The following FHIT variants were observed in gnomAD, a reference collection of about 807,000 sequenced individuals.
FHIT encodes the protein fragile histidine triad diadenosine triphosphatase.
FHIT carries 19 observed loss-of-function variants against 17.9 expected under a neutral mutation model. The ratio of observed to expected loss-of-function variants is 1.06; its 90% CI spans 0.74 to 1.56. The LOEUF is 1.56. FHIT is among the 40% of genes most tolerant of loss of function. FHIT has a pLI of 0.00. For synonymous variants in FHIT, 81 were observed against 69.7 expected, an observed-to-expected ratio of 1.16 and a Z score of -0.81; for missense variants, 248 against 189.2, an observed-to-expected ratio of 1.31 and a Z score of -1.82.
At chr3:60,071,080 C>G (rs967264804) in intron 5 of FHIT, among the ~76,000 whole-genome samples, 1 of 152,156 alleles carries the variant, frequency 6.6e-6, no homozygotes. Flanking sequence ...TATTTCCACC[C>G]TCATCTAGCA....
At chr3:61,231,398 G>A (rs542814822) in intron 1 of FHIT, among the ~76,000 whole-genome samples, 1 of 152,106 alleles carries the variant, frequency 6.6e-6, no homozygotes, top group East Asian at 1.9e-4. Context: ...GGAGGCTGAG[G>A]TGAAAGGACC....
At chr3:59,782,638 C>T (rs987824120) in intron 8 of FHIT, among the ~76,000 whole-genome samples, 3 of 152,122 alleles carry the variant, frequency 2.0e-5, no homozygotes, top group Admixed American at 6.6e-5. Flanking sequence ...GATTCAGTTT[C>T]GTCCATTCTA....
intron 5 of FHIT, among the ~76,000 whole-genome samples, chr3:60,351,813 A>G (rs977943520): frequency 1.3e-5 from 2 of 152,168 alleles, no homozygotes; most frequent in Non-Finnish European, 2.9e-5. Context: ...TCCTAACACA[A>G]CAAAATCACT....
At position 60,865,397 on chromosome 3, in the gene FHIT, G is replaced by A. The variant is rs186113926; in HGVS notation, c.-110-43386C>T. 1.5e-4 allele frequency among the ~76,000 whole-genome samples: 23 copies of A among 152,272 alleles called. No individual in the cohort carries two copies. In the East Asian group the frequency reaches 4.2e-3, roughly 28 times the overall value. ...ACTGGTCAGCACATGTATCAGACAT[G>A]TCCATTGTTGCAGGAATATCTGTTG... On this transcript the variant is annotated intron_variant, in intron 3 of 9. Coordinates refer to ENST00000492590, the MANE Select transcript of FHIT (RefSeq NM_002012.4).
At chr3:60,877,779 G>A (rs1455762931) in intron 3 of FHIT, among the ~76,000 whole-genome samples, 3 of 152,124 alleles carry the variant, frequency 2.0e-5, no homozygotes, top group African/African-American at 4.8e-5. Context: ...CTTTCCTGAA[G>A]CTGGACTAGC....
intron 3 of FHIT, among the ~76,000 whole-genome samples, chr3:61,041,212 C>T (rs2033496566): frequency 6.6e-6 from 1 of 152,056 alleles, no homozygotes; most frequent in Non-Finnish European, 1.5e-5. Context: ...AACCCTGCCT[C>T]TACTAAAAAT....
At chr3:60,784,859 C>A (rs528243374) in intron 4 of FHIT, among the ~76,000 whole-genome samples, 5 of 152,192 alleles carry the variant, frequency 3.3e-5, no homozygotes, top group Admixed American at 1.3e-4. Context: ...CAGAATTCTA[C>A]CCCTTCACCA....
chr3:60,388,216 C>CT (rs1487234671), intron 5 of FHIT, among the ~76,000 whole-genome samples: 3 of 152,138 alleles, frequency 2.0e-5, no homozygotes, highest in Non-Finnish European at 4.4e-5. Context: ...AATTAACCCC[C>CT]TAAATAAGCA....
intron 2 of FHIT, among the ~76,000 whole-genome samples, chr3:61,189,491 GAA>G (rs2038641472): frequency 6.7e-6 from 1 of 149,690 alleles, no homozygotes. Context: ...TCAATATGGT[GAA>G]AATGGCCATA....
chr3:60,738,719 G>T (rs2042182558), intron 4 of FHIT, among the ~76,000 whole-genome samples: 1 of 152,314 alleles, frequency 6.6e-6, no homozygotes, highest in East Asian at 1.9e-4. Flanking sequence ...TGAAATGAAT[G>T]AATGAGAGAA....
chr3:60,976,612 C>G (rs7374200), intron 3 of FHIT, among the ~76,000 whole-genome samples: 7,231 of 152,250 alleles, frequency 0.047, 401 homozygotes, highest in East Asian at 0.24. Flanking sequence ...ACTGTTGTTT[C>G]ATCACTGTTT....
chr3:60,546,574 G>C (rs1433924092), intron 4 of FHIT, among the ~76,000 whole-genome samples: 1 of 152,014 alleles, frequency 6.6e-6, no homozygotes, highest in African/African-American at 2.4e-5. Context: ...CATTTGTCTT[G>C]TTTACAAAGA....
At chr3:61,085,496 ATTC>A in intron 2 of FHIT, among the ~76,000 whole-genome samples, 1 of 152,274 alleles carries the variant, frequency 6.6e-6, no homozygotes, top group South Asian at 2.1e-4. Context: ...CGACATAAGA[ATTC>A]TTTATATATT....
intron 6 of FHIT, among the ~76,000 whole-genome samples, chr3:60,012,443 A>C (rs1476428552): frequency 6.6e-6 from 1 of 150,596 alleles, no homozygotes; most frequent in Non-Finnish European, 1.5e-5. Context: ...TAATTTTTGT[A>C]TTTTTCTTAG....
chr3:60,805,502 C>T (rs922404795), intron 4 of FHIT, among the ~76,000 whole-genome samples: 9 of 151,852 alleles, frequency 5.9e-5, no homozygotes, highest in Non-Finnish European at 1.0e-4. Flanking sequence ...TGGATTAGGT[C>T]CCACCCTTAT....
intron 4 of FHIT, among the ~76,000 whole-genome samples, chr3:60,550,642 T>C (rs954696225): frequency 6.6e-6 from 1 of 151,772 alleles, no homozygotes; most frequent in East Asian, 1.9e-4. Context: ...CTACTTGTTT[T>C]ACATATTTAA....
chr3:60,060,346 T>A, intron 5 of FHIT, among the ~76,000 whole-genome samples: 1 of 152,144 alleles, frequency 6.6e-6, no homozygotes, highest in East Asian at 1.9e-4. Flanking sequence ...ACTGGGGGAC[T>A]AACTAAGGAT....
chr3:61,017,993 G>T (rs2032207947), intron 3 of FHIT, among the ~76,000 whole-genome samples: 1 of 152,126 alleles, frequency 6.6e-6, no homozygotes, highest in African/African-American at 2.4e-5. Context: ...TCAAAAATAG[G>T]ACTTGAGGTC....
intron 4 of FHIT, among the ~76,000 whole-genome samples, chr3:60,759,305 A>C (rs1699553448): frequency 6.6e-6 from 1 of 152,206 alleles, no homozygotes; most frequent in South Asian, 2.1e-4. Context: ...AAAAGTCTAG[A>C]GCAAAGATGG....
Sources: allele counts gnomAD v4.1 joint callset (sites outside exome capture counted in the v4.1 genomes callset), GRCh38; gene constraint gnomAD v4.1.1; transcripts MANE v1.5; gene names NCBI Gene and HGNC (gene_info 2026-07-23, HGNC 2026-07-21).